Variants in AGBL4 observed in about 807,000 individuals in gnomAD.
AGBL4 encodes the protein cytosolic carboxypeptidase 6.
AGBL4 carries 58 observed loss-of-function variants against 66.4 expected under a neutral mutation model. The observed-to-expected ratio is 0.87, with a 90% CI of 0.71 to 1.09. The LOEUF is 1.09. AGBL4 is among the 50% of genes least tolerant of loss of function. AGBL4 has a pLI of 0.00. For missense variants in AGBL4, 579 were observed against 631.0 expected, an observed-to-expected ratio of 0.92 and a Z score of 0.88; for synonymous variants, 234 against 222.9, an observed-to-expected ratio of 1.05 and a Z score of -0.44.
chr1:49,940,504 T>A (rs1353714895), intron 1 of AGBL4, among the ~76,000 whole-genome samples: 2 of 152,132 alleles, frequency 1.3e-5, no homozygotes, highest in South Asian at 4.1e-4. Context: ...ATATACACCA[T>A]GGAATACTAT....
chr1:49,287,446 A>C (rs1424181321), intron 3 of AGBL4, among the ~76,000 whole-genome samples: 1 of 149,798 alleles, frequency 6.7e-6, no homozygotes, highest in African/African-American at 2.4e-5. Flanking sequence ...ATGGGAGAAA[A>C]TTTTCGCAAC....
chr1:49,446,724 G>A (rs540841366), intron 3 of AGBL4, among the ~76,000 whole-genome samples: 69 of 152,194 alleles, frequency 4.5e-4, no homozygotes, highest in African/African-American at 1.2e-3. Flanking sequence ...TAGCAGTGGT[G>A]GGATGACTCT....
chr1:49,741,406 T>C (rs1396394970), intron 2 of AGBL4, among the ~76,000 whole-genome samples: 1 of 152,208 alleles, frequency 6.6e-6, no homozygotes, highest in Non-Finnish European at 1.5e-5. Context: ...GAGGCAATGA[T>C]TAATAGCTTA....
chr1:48,924,684 C>T (rs527280430), intron 5 of AGBL4, among the ~76,000 whole-genome samples: 1 of 152,056 alleles, frequency 6.6e-6, no homozygotes, highest in Non-Finnish European at 1.5e-5. Context: ...AATTAATATA[C>T]ATATCCAACT....
At chr1:49,195,844 C>T (rs354161) in intron 4 of AGBL4, among the ~76,000 whole-genome samples, 52,092 of 151,846 alleles carry the variant, frequency 0.34, 9,434 homozygotes, top group East Asian at 0.72. Flanking sequence ...GTAATCTCCA[C>T]GATCATCATG....
At chr1:49,769,143 A>G (rs1026820821) in intron 2 of AGBL4, among the ~76,000 whole-genome samples, 1 of 152,094 alleles carries the variant, frequency 6.6e-6, no homozygotes, top group African/African-American at 2.4e-5. Context: ...CACCACACCC[A>G]GCCAAAAATC....
intron 3 of AGBL4, among the ~76,000 whole-genome samples, chr1:49,441,934 C>A: frequency 6.6e-6 from 1 of 152,124 alleles, no homozygotes; most frequent in East Asian, 1.9e-4. Flanking sequence ...ACATGGACTT[C>A]CACTCACCAC....
At chr1:50,002,318 G>C (rs1388445533) in intron 1 of AGBL4, among the ~76,000 whole-genome samples, 6 of 145,242 alleles carry the variant, frequency 4.1e-5, no homozygotes, top group Non-Finnish European at 9.0e-5. Flanking sequence ...AATTGTACTG[G>C]TTTACTCCGA....
chr1:49,131,565 T>A (rs970118057), intron 4 of AGBL4, among the ~76,000 whole-genome samples: 1 of 152,018 alleles, frequency 6.6e-6, no homozygotes, highest in Non-Finnish European at 1.5e-5. Flanking sequence ...GGAAGATTTA[T>A]CAAGGGGAGC....
chr1:48,728,875 G>T (rs553636282), intron 6 of AGBL4, among the ~76,000 whole-genome samples: 1 of 152,278 alleles, frequency 6.6e-6, no homozygotes, highest in Admixed American at 6.5e-5. Flanking sequence ...CATTATTAAG[G>T]TTCTGACAAC....
chr1:49,398,332 T>TC (rs1491113134), intron 3 of AGBL4, among the ~76,000 whole-genome samples: 40 of 81,504 alleles, frequency 4.9e-4, no homozygotes, highest in Non-Finnish European at 9.2e-4. Flanking sequence ...CCTCTCTCTC[T>TC]TTCTCTCTCT....
chr1:49,382,776 A>G (rs1644649905), intron 3 of AGBL4, among the ~76,000 whole-genome samples: 1 of 152,194 alleles, frequency 6.6e-6, no homozygotes, highest in Non-Finnish European at 1.5e-5. Context: ...AAGAGTTTCC[A>G]ATTAAAAACC....
Position 48,782,556 on chromosome 1 carries a change from C to T in AGBL4, c.634+84635G>A, listed in dbSNP as rs1645322203. 3.3e-5 allele frequency among the ~76,000 whole-genome samples: 5 copies of T among 152,056 alleles called. No individual in the cohort carries two copies. In the South Asian group the frequency reaches 8.3e-4, roughly 25 times the overall value. On this transcript the variant is annotated intron_variant, in intron 6 of 13. Transcript: ENST00000371839. The stretch of plus-strand genomic sequence containing the variant: ...TTTTTTCATGATTTTGCCTTTTTTC[C>T]CTGTGATGTTTGATTAGACTTTTCA...
chr1:49,164,223 T>C (rs1646591858), intron 4 of AGBL4, among the ~76,000 whole-genome samples: 2 of 151,006 alleles, frequency 1.3e-5, no homozygotes, highest in Admixed American at 6.6e-5. Context: ...AATGGGAGGC[T>C]AGAGGAAGGA....
chr1:48,695,609 C>T (rs1164761443), intron 6 of AGBL4, among the ~76,000 whole-genome samples: 2 of 151,920 alleles, frequency 1.3e-5, no homozygotes, highest in Non-Finnish European at 2.9e-5. Context: ...TTTGGGACAG[C>T]GGACCGGCCC....
At chr1:49,743,979 C>T (rs1387529798) in intron 2 of AGBL4, among the ~76,000 whole-genome samples, 1 of 151,748 alleles carries the variant, frequency 6.6e-6, no homozygotes, top group Admixed American at 6.6e-5. Context: ...GGGTGCAGCA[C>T]ACCAGCATGG....
At chr1:49,618,992 A>T (rs574220396) in intron 3 of AGBL4, among the ~76,000 whole-genome samples, 1 of 152,356 alleles carries the variant, frequency 6.6e-6, no homozygotes, top group East Asian at 1.9e-4. Context: ...GCTATTTATG[A>T]AAAACCCACA....
At chr1:48,564,118 C>T (rs1441475388) in intron 11 of AGBL4, among the ~76,000 whole-genome samples, 1 of 152,072 alleles carries the variant, frequency 6.6e-6, no homozygotes, top group African/African-American at 2.4e-5. Context: ...CCCATCTCTC[C>T]TTCTCTCCAT....
At chr1:48,647,651 C>T (rs765819563) in intron 8 of AGBL4, 28 of 436,994 alleles carry the variant, frequency 6.4e-5, no homozygotes, top group Non-Finnish European at 1.0e-4. Flanking sequence ...TATTGTTGTA[C>T]GGAGATGGAA....
Sources: allele counts gnomAD v4.1 joint callset (sites outside exome capture counted in the v4.1 genomes callset), GRCh38; gene constraint gnomAD v4.1.1; transcripts MANE v1.5; gene names NCBI Gene and HGNC (gene_info 2026-07-23, HGNC 2026-07-21).